The following KAT2B variants were observed in gnomAD, a reference collection of about 807,000 sequenced individuals.
The protein encoded by KAT2B is histone acetyltransferase KAT2B.
KAT2B carries 36 observed loss-of-function variants against 105.9 expected under a neutral mutation model. That is an observed-to-expected ratio of 0.34 (90% CI 0.26 to 0.45). The LOEUF (loss-of-function observed/expected upper bound fraction) is 0.45, where lower values mean the gene tolerates loss of function less well. Ranked by LOEUF, KAT2B falls within the 20% of genes least tolerant of loss-of-function variation. The probability of loss-of-function intolerance (pLI) is 1.00; values close to 1 mark genes in which losing one functional copy is unlikely to be tolerated. For synonymous variants in KAT2B, 397 were observed against 377.9 expected, an observed-to-expected ratio of 1.05 and a Z score of -0.59; for missense variants, 820 against 1,021.6, an observed-to-expected ratio of 0.80 and a Z score of 2.69.
intron 1 of KAT2B, among the ~76,000 whole-genome samples, chr3:20,050,923 G>A (rs543285282): frequency 2.0e-5 from 3 of 152,022 alleles, no homozygotes; most frequent in Non-Finnish European, 4.4e-5. Flanking sequence ...GGAGGTGGCC[G>A]GGTATGGTGG....
At chr3:20,123,020 A>G (rs765138297) in intron 9 of KAT2B, 1 of 883,564 alleles carries the variant, frequency 1.1e-6, no homozygotes, top group Non-Finnish European at 1.4e-6. Flanking sequence ...CTTACTAATA[A>G]TCTCACAGTT....
chr3:20,114,713 G>T (rs1026312529), intron 6 of KAT2B, among the ~76,000 whole-genome samples, 169 bp from the exon 7 acceptor site: 2 of 152,104 alleles, frequency 1.3e-5, no homozygotes, highest in African/African-American at 2.4e-5. Context: ...TTCTGTATTT[G>T]AATATACCAG....
intron 1 of KAT2B, among the ~76,000 whole-genome samples, chr3:20,051,989 T>C (rs529517502): frequency 6.6e-6 from 1 of 152,392 alleles, no homozygotes; most frequent in East Asian, 1.9e-4. Flanking sequence ...CTTCTTAAGA[T>C]AATTTATCAC....
At chr3:20,071,855 C>A (rs1341023098) in intron 1 of KAT2B, among the ~76,000 whole-genome samples, 1 of 152,208 alleles carries the variant, frequency 6.6e-6, no homozygotes, top group African/African-American at 2.4e-5. Flanking sequence ...TCTCATCTTC[C>A]TAAGATTGCT....
At chr3:20,138,283 A>AT (rs1171628165) in intron 12 of KAT2B, among the ~76,000 whole-genome samples, 1 of 151,926 alleles carries the variant, frequency 6.6e-6, no homozygotes, top group Non-Finnish European at 1.5e-5. Context: ...TCTTTTTAGT[A>AT]TTTTTTCTGT....
chr3:20,141,947 T>G (rs1178698128), intron 13 of KAT2B, among the ~76,000 whole-genome samples: 2 of 152,162 alleles, frequency 1.3e-5, no homozygotes, highest in Non-Finnish European at 2.9e-5. Context: ...CTCATTGTTC[T>G]CTCTGGAGCT....
intron 17 of KAT2B, 39 bp from the exon 18 acceptor site, chr3:20,152,293 G>A: frequency 6.7e-7 from 1 of 1,487,474 alleles, no homozygotes. Context: ...GGTGTTTAAA[G>A]GGAGTCAAAG....
At chr3:20,078,018 T>C (rs1395866799) in intron 2 of KAT2B, among the ~76,000 whole-genome samples, 1 of 151,898 alleles carries the variant, frequency 6.6e-6, no homozygotes, top group Admixed American at 6.6e-5. Context: ...CTACAAAAAA[T>C]ACAAAAATCA....
chr3:20,123,358 C>T (rs143497492), intron 9 of KAT2B, among the ~76,000 whole-genome samples: 101 of 152,250 alleles, frequency 6.6e-4, no homozygotes, highest in African/African-American at 2.2e-3. Context: ...AAAATTTAGC[C>T]TGGTTACAAT....
chr3:20,086,794 AT>A (rs11308672), intron 2 of KAT2B, among the ~76,000 whole-genome samples: 48,053 of 129,576 alleles, frequency 0.37, 10,364 homozygotes, highest in East Asian at 0.62. Flanking sequence ...AAACAAATAG[AT>A]TTTTTTTTTT....
intron 2 of KAT2B, among the ~76,000 whole-genome samples, chr3:20,073,628 A>T (rs1307555321): frequency 6.6e-6 from 1 of 152,238 alleles, no homozygotes; most frequent in South Asian, 2.1e-4. Flanking sequence ...ATCTCAAACA[A>T]TGTGAGCTCT....
At chr3:20,073,899 C>A (rs1373287781) in intron 2 of KAT2B, among the ~76,000 whole-genome samples, 1 of 152,194 alleles carries the variant, frequency 6.6e-6, no homozygotes, top group Non-Finnish European at 1.5e-5. Context: ...CATCAATTAA[C>A]ATTTAAAACA....
chr3:20,105,204 T>G (rs537217711), intron 5 of KAT2B, among the ~76,000 whole-genome samples: 15 of 152,148 alleles, frequency 9.9e-5, no homozygotes, highest in Non-Finnish European at 2.2e-4. Context: ...GTTACATAAG[T>G]GTATGTTAAC....
chr3:20,066,722 A>C (rs1320256520), intron 1 of KAT2B, among the ~76,000 whole-genome samples: 4 of 151,882 alleles, frequency 2.6e-5, no homozygotes, highest in Non-Finnish European at 5.9e-5. Flanking sequence ...TTTAGGGCAC[A>C]CACTATTTAA....
intron 1 of KAT2B, among the ~76,000 whole-genome samples, chr3:20,072,045 C>T (rs1335028114): frequency 6.6e-6 from 1 of 152,132 alleles, no homozygotes; most frequent in Non-Finnish European, 1.5e-5. Context: ...GAACTCACCA[C>T]TTCATGGACA....
intron 6 of KAT2B, 91 bp from the exon 7 acceptor site, chr3:20,114,791 G>T: frequency 2.9e-6 from 2 of 678,750 alleles, no homozygotes; most frequent in South Asian, 1.9e-5. Context: ...GGTTTGAGAC[G>T]CTGATGTTAA....
intron 2 of KAT2B, among the ~76,000 whole-genome samples, chr3:20,084,037 G>A (rs902349757): frequency 4.6e-5 from 7 of 152,302 alleles, no homozygotes; most frequent in Admixed American, 3.9e-4. Context: ...CAGAGATTGA[G>A]TTAGGTGAGA....
chr3:20,113,532 TTTC>T (rs1412718031), intron 6 of KAT2B, among the ~76,000 whole-genome samples: 2 of 152,074 alleles, frequency 1.3e-5, no homozygotes, highest in African/African-American at 4.8e-5. Context: ...GCTGCCTTCT[TTTC>T]TTCTCTATTA....
At chr3:20,121,353 TC>T (rs1699304126) in intron 8 of KAT2B, among the ~76,000 whole-genome samples, 5 of 152,178 alleles carry the variant, frequency 3.3e-5, no homozygotes, top group African/African-American at 4.8e-5. Flanking sequence ...GATCTAGACA[TC>T]TTAAAAATTC....
Sources: gnomAD v4.1 joint callset for allele counts (sites outside exome capture counted in the v4.1 genomes callset) on GRCh38, gnomAD v4.1.1 for gene constraint, MANE v1.5 for transcripts, NCBI Gene and HGNC (gene_info 2026-07-23, HGNC 2026-07-21) for gene names.